Variants in TBC1D9 observed in about 807,000 individuals in gnomAD.
TBC1D9 encodes TBC1 domain family member 9.
Under a neutral mutation model 132.0 loss-of-function variants are expected in TBC1D9, and 63 were observed. The ratio of observed to expected loss-of-function variants is 0.48; its 90% CI spans 0.39 to 0.59. TBC1D9 has a LOEUF of 0.59. Ranked by LOEUF, TBC1D9 falls within the 20% of genes least tolerant of loss-of-function variation. TBC1D9 has a pLI of 0.00. For synonymous variants in TBC1D9, 610 were observed against 609.9 expected (o/e 1.00, Z 0.00); for missense variants, 1,261 against 1,592.7 (o/e 0.79, Z 3.54).
chr4:140,648,382 GTTGT>G (rs1442147752), intron 13 of TBC1D9, among the ~76,000 whole-genome samples: 2 of 137,294 alleles, frequency 1.5e-5, no homozygotes, highest in African/African-American at 5.6e-5. Flanking sequence ...CAGTTTTGTT[GTTGT>G]TTTTTTTTTT....
At chr4:140,637,862 C>T (rs1189622559) in intron 15 of TBC1D9, among the ~76,000 whole-genome samples, 3 of 152,186 alleles carry the variant, frequency 2.0e-5, no homozygotes, top group Non-Finnish European at 4.4e-5. Context: ...TTCTGGGCTT[C>T]GGTTTCCTCG....
intron 1 of TBC1D9, among the ~76,000 whole-genome samples, chr4:140,749,812 T>G (rs1475982115): frequency 1.3e-5 from 2 of 152,112 alleles, no homozygotes; most frequent in Non-Finnish European, 2.9e-5. Context: ...ACCAAATAAA[T>G]CTATTCTAAC....
chr4:140,729,804 G>GC (rs1393992326), intron 1 of TBC1D9, among the ~76,000 whole-genome samples: 1 of 94,070 alleles, frequency 1.1e-5, no homozygotes, highest in Non-Finnish European at 1.8e-5. Context: ...TGGTGACAGA[G>GC]CAAGATTCCA....
chr4:140,663,040 G>A (rs914584707), intron 9 of TBC1D9, among the ~76,000 whole-genome samples: 6 of 152,126 alleles, frequency 3.9e-5, no homozygotes, highest in Admixed American at 3.9e-4. Flanking sequence ...GGCAGCAAAA[G>A]CAAAAATCAG....
intron 1 of TBC1D9, among the ~76,000 whole-genome samples, chr4:140,737,432 TC>T (rs1196192431): frequency 9.4e-6 from 1 of 106,118 alleles, no homozygotes; most frequent in Non-Finnish European, 1.8e-5. Context: ...CCCTGCACCC[TC>T]CCTTCTCTCT....
At chr4:140,690,485 G>A (rs1737860105) in intron 2 of TBC1D9, among the ~76,000 whole-genome samples, 1 of 152,044 alleles carries the variant, frequency 6.6e-6, no homozygotes, top group South Asian at 2.1e-4. Context: ...TGCTTGTGCT[G>A]TTTTTGTTCT....
intron 1 of TBC1D9, among the ~76,000 whole-genome samples, chr4:140,747,932 G>A (rs1278611320): frequency 1.3e-5 from 2 of 152,138 alleles, no homozygotes; most frequent in Non-Finnish European, 2.9e-5. Flanking sequence ...TTTGCAACTG[G>A]CAGAAAAAAT....
intron 3 of TBC1D9, among the ~76,000 whole-genome samples, chr4:140,684,141 C>T (rs960728838): frequency 6.6e-6 from 1 of 151,802 alleles, no homozygotes; most frequent in African/African-American, 2.4e-5. Context: ...GTGTCTTAGG[C>T]CTGTACTTCC....
intron 1 of TBC1D9, among the ~76,000 whole-genome samples, chr4:140,723,420 G>A (rs1014955760): frequency 2.0e-5 from 3 of 152,096 alleles, no homozygotes; most frequent in East Asian, 1.9e-4. Context: ...TGAAACCTCC[G>A]CCTCCTGGGT....
intron 18 of TBC1D9, among the ~76,000 whole-genome samples, chr4:140,625,153 A>G (rs1736685308): frequency 6.6e-6 from 1 of 152,200 alleles, no homozygotes; most frequent in Non-Finnish European, 1.5e-5. Flanking sequence ...TGTCTTTTCT[A>G]CATTATCATT....
intron 6 of TBC1D9, among the ~76,000 whole-genome samples, chr4:140,672,059 TGA>T (rs1737546698): frequency 6.6e-6 from 1 of 152,094 alleles, no homozygotes; most frequent in Non-Finnish European, 1.5e-5. Context: ...AGTAACCTAT[TGA>T]AGTTGTCTAA....
At chr4:140,662,488 C>T (rs1737377798) in intron 9 of TBC1D9, among the ~76,000 whole-genome samples, 1 of 152,196 alleles carries the variant, frequency 6.6e-6, no homozygotes, top group African/African-American at 2.4e-5. Context: ...ACCCCAGCAG[C>T]TTTGCTTTTA....
chr4:140,679,399 T>A (rs1737672040), intron 4 of TBC1D9, among the ~76,000 whole-genome samples, 196 bp from the exon 5 acceptor site: 1 of 152,244 alleles, frequency 6.6e-6, no homozygotes, highest in African/African-American at 2.4e-5. Flanking sequence ...ATTTAATCCA[T>A]GTCTACTGAA....
intron 17 of TBC1D9, 37 bp from the exon 18 acceptor site, chr4:140,627,564 G>C: frequency 7.8e-7 from 1 of 1,284,452 alleles, no homozygotes; most frequent in South Asian, 1.3e-5. Context: ...CATATTGGTA[G>C]GGCCATGATC....
At chr4:140,651,684 A>G (rs138580385) in intron 13 of TBC1D9, among the ~76,000 whole-genome samples, 1 of 152,352 alleles carries the variant, frequency 6.6e-6, no homozygotes, top group Non-Finnish European at 1.5e-5. Flanking sequence ...TTAGAGATAC[A>G]TTCTTTTACA....
At chr4:140,714,990 T>C (rs1417707783) in intron 1 of TBC1D9, among the ~76,000 whole-genome samples, 2 of 152,106 alleles carry the variant, frequency 1.3e-5, no homozygotes, top group Non-Finnish European at 2.9e-5. Context: ...GGTGTGGCGT[T>C]GTGCACCTAT....
At chr4:140,694,340 G>A (rs550413665) in intron 2 of TBC1D9, among the ~76,000 whole-genome samples, 3 of 152,318 alleles carry the variant, frequency 2.0e-5, no homozygotes, top group Non-Finnish European at 4.4e-5. Context: ...GGAGGCCGAG[G>A]TGGGTGAATC....
At chr4:140,661,373 T>C (rs969919943) in intron 10 of TBC1D9, among the ~76,000 whole-genome samples, 40 of 152,190 alleles carry the variant, frequency 2.6e-4, no homozygotes, top group African/African-American at 9.7e-4. Context: ...CCCTAGCATA[T>C]AAAAGCTCTA....
At chr4:140,709,501 C>T in intron 1 of TBC1D9, among the ~76,000 whole-genome samples, 1 of 101,608 alleles carries the variant, frequency 9.8e-6, no homozygotes, top group Middle Eastern at 4.9e-3. Flanking sequence ...ATATGGAATA[C>T]TAAAAAAAAA....
Sources: gnomAD v4.1 joint callset for allele counts (sites outside exome capture counted in the v4.1 genomes callset) on GRCh38, gnomAD v4.1.1 for gene constraint, MANE v1.5 for transcripts, NCBI Gene and HGNC (gene_info 2026-07-23, HGNC 2026-07-21) for gene names.